Variants in HFM1 observed in about 807,000 individuals in gnomAD.
The protein encoded by HFM1 is helicase for meiosis 1, also known as probable ATP-dependent DNA helicase HFM1.
A neutral mutation model predicts 192.1 loss-of-function variants in HFM1; 169 were observed. That is an observed-to-expected ratio of 0.88 (90% CI 0.78 to 1.00). HFM1 has a LOEUF of 1.00. Ranked by LOEUF, HFM1 falls within the 50% of genes least tolerant of loss-of-function variation. The pLI, the probability that HFM1 is intolerant of heterozygous loss-of-function variation, is 0.00. For synonymous variants in HFM1, 525 were observed against 537.8 expected (o/e 0.98, Z 0.33); for missense variants, 1,661 against 1,668.0 (o/e 1.00, Z 0.07).
chr1:91,361,505 A>G (rs1658518060), intron 13 of HFM1, among the ~76,000 whole-genome samples: 1 of 152,230 alleles, frequency 6.6e-6, no homozygotes, highest in African/African-American at 2.4e-5. Flanking sequence ...TGAACCAGGA[A>G]GAAATTGAAT....
rs1661378592 is a variant in HFM1 at position 91,380,109 on chromosome 1, A to G, written c.1001T>C (p.Val334Ala). 1.5e-6 allele frequency: 2 copies of G among 1,365,774 alleles called. No homozygotes were observed. The highest frequency in any genetic ancestry group is 2.0e-6 in the Non-Finnish European group (2 of 996,156). The allele number at this position is 1,365,774 out of a possible 1,614,324, so 84.6% of individuals were successfully genotyped here. A position where few individuals can be genotyped will look rare whatever the true frequency, so the allele number is the denominator to read the frequency against. The change falls in exon 8 of 39, where the codon GTT becomes GCT. Residue 334 changes from valine (V) to alanine (A), a missense_variant. Physicochemically the swap from Val to Ala is moderately conservative, Grantham distance 64. Coordinates refer to ENST00000370425, the MANE Select transcript of HFM1 (RefSeq NM_001017975.6). ...CTCTTATAATAAATACTTACTGTAAACAATTTTAATATTCAACCATGGCAA... is the reference window on the plus strand; with the variant it reads ...CTCTTATAATAAATACTTACTGTAAGCAATTTTAATATTCAACCATGGCAA... ...VPLPWLNIKI[V>A]YMAPIKALCS...
chr1:91,378,133 A>G lies in HFM1; in HGVS notation c.1287T>C (p.Val429=). The G allele has an allele frequency of 5.0e-6, 8 of 1,610,746 alleles. No homozygotes were observed. The highest frequency in any genetic ancestry group is 6.8e-6 in the Non-Finnish European group (8 of 1,178,518). ...CAGACTGTACAGTTTTCATTCTGCT[A>G]ACTACAACTTCAAGAGTTGGACCAC... ...ENRGPTLEVV[V]SRMKTVQSVS... The change falls in exon 11 of 39, where the codon GTT becomes GTC. Residue 429 remains valine (V), a synonymous_variant. Transcript: ENST00000370425.
At chr1:91,380,726 T>C (rs1661457819) in intron 7 of HFM1, among the ~76,000 whole-genome samples, 186 bp downstream of exon 7, 1 of 152,046 alleles carries the variant, frequency 6.6e-6, no homozygotes, top group African/African-American at 2.4e-5. Flanking sequence ...TGCACTCAAA[T>C]ACAAACAAAT....
chr1:91,290,263 A>T (rs1262827129), intron 30 of HFM1, among the ~76,000 whole-genome samples: 1 of 152,240 alleles, frequency 6.6e-6, no homozygotes, highest in Non-Finnish European at 1.5e-5. Context: ...GGCAAATTGG[A>T]TAAAGAGTCA....
At chr1:91,322,550 T>C (rs1251690479) in intron 23 of HFM1, among the ~76,000 whole-genome samples, 1 of 152,176 alleles carries the variant, frequency 6.6e-6, no homozygotes, top group Non-Finnish European at 1.5e-5. Flanking sequence ...CTGTCACATA[T>C]ACACGCCTTT....
chr1:91,402,935 T>C (rs776580454), intron 1 of HFM1, among the ~76,000 whole-genome samples: 1 of 152,116 alleles, frequency 6.6e-6, no homozygotes, highest in Non-Finnish European at 1.5e-5. Context: ...AAACCTCCTA[T>C]ACAAACAGCA....
At chr1:91,357,635 A>G (rs1657922898) in intron 13 of HFM1, among the ~76,000 whole-genome samples, 1 of 152,180 alleles carries the variant, frequency 6.6e-6, no homozygotes. Context: ...AATAAAAGGA[A>G]TTCAAATTTG....
At chr1:91,307,660 C>T (rs1354663171) in intron 30 of HFM1, among the ~76,000 whole-genome samples, 3 of 151,968 alleles carry the variant, frequency 2.0e-5, no homozygotes, top group Non-Finnish European at 4.4e-5. Flanking sequence ...CACCACATTG[C>T]CTAGGCTGGT....
intron 18 of HFM1, among the ~76,000 whole-genome samples, chr1:91,348,355 C>A: frequency 6.6e-6 from 1 of 152,060 alleles, no homozygotes; most frequent in East Asian, 1.9e-4. Context: ...CAAAATATGG[C>A]ACTTTTGAAC....
At chr1:91,267,949 T>C in intron 34 of HFM1, 94 bp from the exon 35 acceptor site, 1 of 700,754 alleles carries the variant, frequency 1.4e-6, no homozygotes, top group Non-Finnish European at 2.4e-6. Context: ...TGAGAGACTT[T>C]CTCATTTGAA....
chr1:91,341,822 C>T (rs1203046082), intron 20 of HFM1, among the ~76,000 whole-genome samples: 1 of 150,878 alleles, frequency 6.6e-6, no homozygotes, highest in Non-Finnish European at 1.5e-5. Flanking sequence ...TTTATACACA[C>T]AAACTAGAAA....
chr1:91,348,455 C>T (rs1329051276), intron 18 of HFM1, among the ~76,000 whole-genome samples: 1 of 152,098 alleles, frequency 6.6e-6, no homozygotes, highest in East Asian at 1.9e-4. Context: ...ACAGGAATTT[C>T]ATTTCTAGAG....
At chr1:91,369,182 C>T (rs529973166) in intron 13 of HFM1, among the ~76,000 whole-genome samples, 1 of 152,254 alleles carries the variant, frequency 6.6e-6, no homozygotes, top group South Asian at 2.1e-4. Context: ...CAACATTAGA[C>T]AGATCAACGA....
intron 34 of HFM1, among the ~76,000 whole-genome samples, chr1:91,271,883 A>G (rs1274625021): frequency 6.6e-6 from 1 of 152,158 alleles, no homozygotes; most frequent in Non-Finnish European, 1.5e-5. Flanking sequence ...CATTAATTAG[A>G]TATGAAATTT....
Position 91,380,131 on chromosome 1 carries a change from G to A in HFM1, c.979C>T (p.Pro327Ser). Residue 327 changes from proline to serine, a missense_variant, in exon 8 of 39, where the codon CCA becomes TCA. By Grantham distance (74) the Pro-to-Ser change is moderately conservative. Coordinates refer to ENST00000370425, the MANE Select transcript of HFM1 (RefSeq NM_001017975.6). ...ITRLLMEVPL[P>S]WLNIKIVYMA... Reference sequence around the variant, plus strand: ...TAAACAATTTTAATATTCAACCATGGCAATGGTACTTCCATTAACAATCTT... The same window carrying A: ...TAAACAATTTTAATATTCAACCATGACAATGGTACTTCCATTAACAATCTT... 7.0e-7 allele frequency: 1 copy of A among 1,432,942 alleles called. No homozygotes were observed. The highest frequency in any genetic ancestry group is 9.6e-7 in the Non-Finnish European group (1 of 1,040,292). The allele number at this position is 1,432,942 out of a possible 1,614,324, so 88.8% of individuals were successfully genotyped here.
At chr1:91,285,257 G>T (rs1369985301) in intron 30 of HFM1, among the ~76,000 whole-genome samples, 7 of 152,022 alleles carry the variant, frequency 4.6e-5, no homozygotes, top group Admixed American at 2.0e-4. Context: ...AGCATGAAAA[G>T]AATTTTTCAT....
chr1:91,358,520 C>T (rs1458637623), intron 13 of HFM1, among the ~76,000 whole-genome samples: 1 of 151,958 alleles, frequency 6.6e-6, no homozygotes, highest in Non-Finnish European at 1.5e-5. Context: ...ACTAATTTTC[C>T]ATTAGGGCAC....
chr1:91,379,191 T>C lies in HFM1; in HGVS notation c.1030A>G (p.Ser344Gly), dbSNP rs752193921. ...TCTTTCCAGTCATCAAAACGCTGAC[T>C]GCACAAGGCTTTTATTGGTGCCACT... The part of the protein sequence containing the change: ...VYMAPIKALC[S>G]QRFDDWKEKF... The change falls in exon 9 of 39, where the codon AGT becomes GGT. Residue 344 changes from serine (S) to glycine (G), a missense_variant. Coordinates refer to ENST00000370425, the MANE Select transcript of HFM1 (RefSeq NM_001017975.6). The C allele has an allele frequency of 4.4e-6, 7 of 1,606,790 alleles. No homozygotes were observed. Among genetic ancestry groups the C allele is most frequent in the Non-Finnish European group, 5.1e-6 (6 of 1,177,476 alleles).
At chr1:91,313,913 T>C (rs776830366) in intron 29 of HFM1, 44 bp downstream of exon 29, 69 of 1,044,948 alleles carry the variant, frequency 6.6e-5, no homozygotes, top group Non-Finnish European at 8.9e-5. Context: ...TTAAATGCAA[T>C]TATATTATTT....
Sources: gnomAD v4.1 joint callset for allele counts (sites outside exome capture counted in the v4.1 genomes callset) on GRCh38, gnomAD v4.1.1 for gene constraint, MANE v1.5 for transcripts, NCBI Gene and HGNC (gene_info 2026-07-23, HGNC 2026-07-21) for gene names.